NLRP11: variants seen among roughly 807,000 people sequenced by gnomAD.
The protein encoded by NLRP11 is NACHT, LRR and PYD domains-containing protein 11.
In NLRP11, 53 loss-of-function variants were observed where a neutral mutation model predicts 79.3. The ratio of observed to expected loss-of-function variants is 0.67; its 90% CI spans 0.54 to 0.84. NLRP11 has a LOEUF of 0.84. Among genes scored for constraint, NLRP11 ranks in the 40% least tolerant of loss-of-function variants. NLRP11 has a pLI of 0.00. For missense variants in NLRP11, 1,264 were observed against 1,255.0 expected (o/e 1.01, Z -0.11); for synonymous variants, 518 against 462.6 (o/e 1.12, Z -1.54).
exon 9 of NLRP11, chr19:55,788,856 T>G (rs1216808240): frequency 1.2e-6 from 2 of 1,613,672 alleles, no homozygotes; most frequent in South Asian, 2.2e-5. Flanking sequence ...TCAAGAAGTT[T>G]TGCAACTCCA....
intron 4 of NLRP11, among the ~76,000 whole-genome samples, chr19:55,805,641 G>GC (rs1204211089): frequency 6.6e-6 from 1 of 152,008 alleles, no homozygotes; most frequent in East Asian, 1.9e-4. Flanking sequence ...CCGGGTTTAA[G>GC]CGATTCTCCT....
chr19:55,807,825 C>T (rs1159306276), intron 4 of NLRP11, 28 bp downstream of exon 4: 9 of 1,528,870 alleles, frequency 5.9e-6, no homozygotes. Context: ...AGGGGAACCT[C>T]TAAGGCAGAG....
At chr19:55,822,822 A>C (rs1430522439) in intron 1 of NLRP11, among the ~76,000 whole-genome samples, 1 of 152,096 alleles carries the variant, frequency 6.6e-6, no homozygotes, top group Non-Finnish European at 1.5e-5. Flanking sequence ...GCAAGGCGGC[A>C]GCTAGGCTGG....
chr19:55,831,098 C>CCCCCCCCCCATCCCCCCCACCCCCCTGCT (rs1982725553), intron 1 of NLRP11, among the ~76,000 whole-genome samples: 1 of 118,302 alleles, frequency 8.5e-6, no homozygotes, highest in African/African-American at 3.3e-5. Context: ...ACCCACCGCC[C>CCCCCCCCCCATCCCCCCCACCCCCCTGCT]CACCCCCCCC....
intron 2 of NLRP11, 117 bp from the exon 3 acceptor site, chr19:55,810,455 C>T: frequency 1.2e-6 from 1 of 838,688 alleles, no homozygotes. Flanking sequence ...TTTTTACTTA[C>T]TACTGCTTAT....
intron 1 of NLRP11, among the ~76,000 whole-genome samples, chr19:55,821,513 G>C (rs1054604340): frequency 1.3e-5 from 2 of 152,192 alleles, no homozygotes; most frequent in African/African-American, 4.8e-5. Context: ...ACTAGGGGAT[G>C]GCATTCAACA....
At chr19:55,832,376 C>A (rs1982884211), upstream of NLRP11, among the ~76,000 whole-genome samples, 1 of 152,244 alleles carries the variant, frequency 6.6e-6, no homozygotes, top group Non-Finnish European at 1.5e-5. Flanking sequence ...ACATAACCAC[C>A]TGGCAAGGAT....
At chr19:55,835,381 GAA>G (rs1422930660), upstream of NLRP11, among the ~76,000 whole-genome samples, 1 of 152,270 alleles carries the variant, frequency 6.6e-6, no homozygotes, top group Non-Finnish European at 1.5e-5. Flanking sequence ...TGCCTACGCA[GAA>G]AGACAGTAGC....
rs967912712 is a variant in NLRP11, at chr19:55,808,655, T to C, written c.1841+114A>G. ...GTCACTGGTCTAATTAGAAGCTAGA[T>C]TGGAAGTCAAGTTCTTCATGGCCCC... On this transcript the variant is annotated intron_variant, in intron 3 of 9. Coordinates refer to ENST00000589093, the Ensembl canonical transcript of NLRP11. 1.1e-4 allele frequency: 98 copies of C among 918,978 alleles called. No homozygotes were observed. In the Middle Eastern group the frequency reaches 1.8e-3, roughly 17 times the overall value. 56.9% of individuals were successfully genotyped at this position (918,978 alleles called of 1,614,324 possible).
chr19:55,793,556 CAAAAAAAAAAAAAAA>C (rs59605427), intron 6 of NLRP11, among the ~76,000 whole-genome samples: 6 of 35,670 alleles, frequency 1.7e-4, no homozygotes, highest in South Asian at 2.6e-3. Flanking sequence ...TGACTGTCTC[CAAAAAAAAAAAAAAA>C]AAAAAAAAAA....
chr19:55,822,471 C>T (rs968078932), intron 1 of NLRP11, among the ~76,000 whole-genome samples: 4 of 152,228 alleles, frequency 2.6e-5, no homozygotes, highest in African/African-American at 4.8e-5. Flanking sequence ...ACGCAGAAGA[C>T]GGGTGATTTC....
At chr19:55,816,808 T>C (rs1489227477) in intron 2 of NLRP11, among the ~76,000 whole-genome samples, 1 of 152,236 alleles carries the variant, frequency 6.6e-6, no homozygotes, top group African/African-American at 2.4e-5. Flanking sequence ...GGCTGGCTAC[T>C]TTCATATAAG....
chr19:55,800,635 T>C (rs1256235436), intron 5 of NLRP11, among the ~76,000 whole-genome samples: 1 of 152,120 alleles, frequency 6.6e-6, no homozygotes, highest in Non-Finnish European at 1.5e-5. Flanking sequence ...TAAAGGTTGA[T>C]TCCAAATTAT....
At chr19:55,808,324 A>G (rs1339690340) in intron 3 of NLRP11, among the ~76,000 whole-genome samples, 1 of 152,216 alleles carries the variant, frequency 6.6e-6, no homozygotes, top group African/African-American at 2.4e-5. Flanking sequence ...TACTCCTATA[A>G]TGTAACAATA....
intron 7 of NLRP11, among the ~76,000 whole-genome samples, chr19:55,790,836 T>C (rs1408758509): frequency 6.6e-6 from 1 of 152,180 alleles, no homozygotes; most frequent in Non-Finnish European, 1.5e-5. Context: ...ACCACATCCA[T>C]GCTTTCAAAC....
chr19:55,786,396 G>A (rs180820413), intron 9 of NLRP11, among the ~76,000 whole-genome samples: 31 of 152,092 alleles, frequency 2.0e-4, no homozygotes, highest in Admixed American at 5.2e-4. Flanking sequence ...GTGGTGGTGC[G>A]TGCCTGTGGT....
chr19:55,814,090 G>A (rs757951351), intron 2 of NLRP11, among the ~76,000 whole-genome samples: 3 of 152,080 alleles, frequency 2.0e-5, no homozygotes, highest in South Asian at 2.1e-4. Flanking sequence ...GCTCCCCATC[G>A]CTCACATTAC....
rs567542216 is a variant in NLRP11, at chr19:55,812,361, C to T, written c.272-2023G>A. On this transcript the variant is annotated intron_variant, in intron 2 of 9. Transcript: ENST00000589093. ...AGGATGAGGGGGCACCAGCACAGAT[C>T]AATAGAATTGGCCTAACAAGCACAG... Among the ~76,000 whole-genome samples, 11 of 152,206 alleles carry T rather than the reference C, an allele frequency of 7.2e-5. 1 individual carries two copies. The South Asian group carries it at 2.3e-3, about 32-fold the overall frequency.
intron 2 of NLRP11, among the ~76,000 whole-genome samples, chr19:55,816,468 G>A (rs1022354170): frequency 6.6e-6 from 1 of 152,096 alleles, no homozygotes; most frequent in Admixed American, 6.6e-5. Flanking sequence ...CATGATCTTG[G>A]TAAGTTCTCT....
Sources: allele counts gnomAD v4.1 joint callset (sites outside exome capture counted in the v4.1 genomes callset), GRCh38; gene constraint gnomAD v4.1.1; transcripts MANE v1.5; gene names NCBI Gene and HGNC (gene_info 2026-07-23, HGNC 2026-07-21).